PAN3: variants seen among roughly 807,000 people sequenced by gnomAD.
PAN3 encodes poly(A) specific ribonuclease subunit PAN3.
PAN3 carries 19 observed loss-of-function variants against 96.2 expected under a neutral mutation model. The ratio of observed to expected loss-of-function variants is 0.20; its 90% CI spans 0.14 to 0.29. The LOEUF (loss-of-function observed/expected upper bound fraction) is 0.29, where lower values mean the gene tolerates loss of function less well. Among genes scored for constraint, PAN3 ranks in the 10% least tolerant of loss-of-function variants. The pLI is 1.00. For synonymous variants in PAN3, 433 were observed against 406.6 expected (o/e 1.06, Z -0.78); for missense variants, 882 against 1,108.1 (o/e 0.80, Z 2.90).
At chr13:28,138,224 A>G (rs1222804962), upstream of PAN3, 1 of 152,276 alleles carries the variant, frequency 6.6e-6, no homozygotes, top group African/African-American at 2.4e-5. Flanking sequence ...CAGGAAGAGG[A>G]AAATGGAATA....
chr13:28,163,775 A>G (rs1320207714), intron 1 of PAN3, among the ~76,000 whole-genome samples: 1 of 152,184 alleles, frequency 6.6e-6, no homozygotes, highest in Non-Finnish European at 1.5e-5. Context: ...GATTCTTGTA[A>G]AGATCTTACA....
At chr13:28,219,809 C>T (rs1881205572) in intron 5 of PAN3, among the ~76,000 whole-genome samples, 1 of 152,096 alleles carries the variant, frequency 6.6e-6, no homozygotes, top group Admixed American at 6.6e-5. Flanking sequence ...GTTTGAAGTA[C>T]CTACAAAAAA....
At chr13:28,215,597 C>A in intron 5 of PAN3, 1 of 854,952 alleles carries the variant, frequency 1.2e-6, no homozygotes, top group Non-Finnish European at 1.9e-6. Context: ...TACTGAATTG[C>A]CACACAGCCC....
At position 28,174,273 on chromosome 13, in the gene PAN3, TC is replaced by T; in HGVS notation, c.434del (p.Pro145GlnfsTer8). 6.2e-7 allele frequency: 1 copy of T among 1,609,992 alleles called. No homozygotes were observed. The highest frequency in any genetic ancestry group is 8.5e-7 in the Non-Finnish European group (1 of 1,177,760). On this transcript the variant is annotated frameshift_variant and splice_region_variant, in exon 2 of 19. Coordinates refer to ENST00000380958, the MANE Select transcript of PAN3 (RefSeq NM_175854.8). LOFTEE classifies it high-confidence loss of function. The part of the protein sequence containing the change: ...GGLDGPRLAI[P>X]GMDGGALTDT... ...ACTTGAATTTTCCTTCTCTTTCAGT[TC>T]CAGGAATGGATGGAGGTGCTTTAAC... is the stretch of plus-strand genomic sequence containing the variant.
At chr13:28,154,828 C>CTT (rs1234313000) in intron 1 of PAN3, among the ~76,000 whole-genome samples, 3 of 124,936 alleles carry the variant, frequency 2.4e-5, no homozygotes, top group African/African-American at 8.9e-5. Flanking sequence ...TTTTTCTTTT[C>CTT]TTTTTTTTTT....
chr13:28,194,446 G>A (rs1434756407), intron 4 of PAN3, among the ~76,000 whole-genome samples: 1 of 115,752 alleles, frequency 8.6e-6, no homozygotes, highest in African/African-American at 4.0e-5. Flanking sequence ...ACATATATAT[G>A]TATGTATATA....
intron 6 of PAN3, among the ~76,000 whole-genome samples, chr13:28,223,154 A>G (rs1448199382): frequency 6.6e-6 from 1 of 152,222 alleles, no homozygotes; most frequent in African/African-American, 2.4e-5. Flanking sequence ...TTAAGAAAAA[A>G]TAAGTCATGT....
chr13:28,247,694 A>G (rs1423340506), intron 6 of PAN3, among the ~76,000 whole-genome samples: 1 of 152,176 alleles, frequency 6.6e-6, no homozygotes, highest in Non-Finnish European at 1.5e-5. Flanking sequence ...TCTTTTCCCC[A>G]ATAGGTGTTC....
intron 18 of PAN3, among the ~76,000 whole-genome samples, chr13:28,289,610 A>G (rs148358028): frequency 0.016 from 2,372 of 152,298 alleles, 59 homozygotes; most frequent in African/African-American, 0.052. Context: ...GGCTAGGCGC[A>G]GTAGCTCGCG....
intron 6 of PAN3, chr13:28,232,507 A>G (rs1329251893): frequency 1.3e-5 from 2 of 152,166 alleles, no homozygotes; most frequent in Non-Finnish European, 2.9e-5. Context: ...ATGTATGCTC[A>G]CTTTGGCAGC....
At chr13:28,144,316 A>T (rs937117121) in intron 1 of PAN3, among the ~76,000 whole-genome samples, 27 of 143,362 alleles carry the variant, frequency 1.9e-4, no homozygotes, top group Middle Eastern at 4.0e-3. Context: ...TCCTGGGTTC[A>T]CGCCATTCCT....
rs140500144 is a variant in PAN3 at position 28,268,171 on chromosome 13, C to T, written c.1792+770C>T. 4.7e-3 allele frequency among the ~76,000 whole-genome samples: 708 copies of T among 152,160 alleles called. 3 individuals carry two copies. Among genetic ancestry groups the T allele is most frequent in the African/African-American group, 0.017 (691 of 41,530 alleles). Reference sequence around the variant, plus strand: ...TACAACCATTGTGAATCTTTTAGTACATTTCTTTTCAATCTTGCTTTGTTT... The same window carrying T: ...TACAACCATTGTGAATCTTTTAGTATATTTCTTTTCAATCTTGCTTTGTTT... On this transcript the variant is annotated intron_variant, in intron 12 of 18. Coordinates refer to ENST00000380958, the MANE Select transcript of PAN3 (RefSeq NM_175854.8).
intron 6 of PAN3, among the ~76,000 whole-genome samples, chr13:28,240,466 A>G (rs1372457368): frequency 6.6e-6 from 1 of 152,208 alleles, no homozygotes; most frequent in Non-Finnish European, 1.5e-5. Context: ...ATAAATGTAT[A>G]AATTTTATTT....
chr13:28,219,318 TTTTA>T (rs768645691), intron 5 of PAN3, among the ~76,000 whole-genome samples: 1 of 152,176 alleles, frequency 6.6e-6, no homozygotes, highest in Non-Finnish European at 1.5e-5. Context: ...TTTTATCACT[TTTTA>T]TTTAACTTTA....
intron 15 of PAN3, among the ~76,000 whole-genome samples, chr13:28,278,566 C>A (rs914297706): frequency 1.3e-5 from 2 of 151,780 alleles, no homozygotes; most frequent in Admixed American, 6.6e-5. Flanking sequence ...TTGAAATTTT[C>A]TTTATTAAAA....
chr13:28,164,549 G>A (rs1873298237), intron 1 of PAN3, among the ~76,000 whole-genome samples: 1 of 152,210 alleles, frequency 6.6e-6, no homozygotes, highest in Non-Finnish European at 1.5e-5. Flanking sequence ...TCTAGTCTCT[G>A]AAGATGTTCC....
chr13:28,235,686 C>T (rs1396840723), intron 6 of PAN3, among the ~76,000 whole-genome samples: 5 of 123,960 alleles, frequency 4.0e-5, no homozygotes, highest in African/African-American at 1.6e-4. Context: ...CTAATATACA[C>T]ACACACACAT....
At chr13:28,214,717 A>T (rs1276043592) in intron 5 of PAN3, 2 of 494,354 alleles carry the variant, frequency 4.0e-6, no homozygotes, top group Non-Finnish European at 7.4e-6. Flanking sequence ...CTGAGCATGA[A>T]TGTGGTCTCA....
At chr13:28,284,773 C>A (rs1159974614) in intron 17 of PAN3, among the ~76,000 whole-genome samples, 2 of 152,104 alleles carry the variant, frequency 1.3e-5, no homozygotes, top group Non-Finnish European at 2.9e-5. Context: ...TAGCAGTATT[C>A]TTTCCCATCT....
Sources: allele counts gnomAD v4.1 joint callset (sites outside exome capture counted in the v4.1 genomes callset), GRCh38; gene constraint gnomAD v4.1.1; transcripts MANE v1.5; gene names NCBI Gene and HGNC (gene_info 2026-07-23, HGNC 2026-07-21).